The following ACTN4 variants were observed in gnomAD, a reference collection of about 807,000 sequenced individuals.
ACTN4 encodes actinin alpha 4, also known as alpha-actinin-4.
Under a neutral mutation model 114.2 loss-of-function variants are expected in ACTN4, and 18 were observed. That is an observed-to-expected ratio of 0.16 (90% CI 0.11 to 0.23). ACTN4 has a LOEUF of 0.23. Ranked by LOEUF, ACTN4 falls within the 10% of genes least tolerant of loss-of-function variation. The pLI is 1.00. For missense variants in ACTN4, 722 were observed against 1,262.9 expected, an observed-to-expected ratio of 0.57 and a Z score of 6.49; for synonymous variants, 515 against 506.3, an observed-to-expected ratio of 1.02 and a Z score of -0.23.
At chr19:38,684,120 A>G (rs750661123) in intron 1 of ACTN4, 6 of 152,316 alleles carry the variant, frequency 3.9e-5, no homozygotes, top group Non-Finnish European at 8.8e-5. Flanking sequence ...CCATGGGTAT[A>G]TCCCCCAGCA....
chr19:38,728,326 G>A, intron 19 of ACTN4: 1 of 1,493,330 alleles, frequency 6.7e-7, no homozygotes, highest in Non-Finnish European at 9.0e-7. Flanking sequence ...AAGCAGACAG[G>A]CAGCATGGAC....
chr19:38,704,144 C>T (rs901552717), intron 3 of ACTN4, among the ~76,000 whole-genome samples: 9 of 152,206 alleles, frequency 5.9e-5, no homozygotes, highest in African/African-American at 2.2e-4. Context: ...GACCCAGCCT[C>T]TACAAAAAGT....
intron 1 of ACTN4, among the ~76,000 whole-genome samples, chr19:38,687,513 A>T (rs1967785728): frequency 6.6e-6 from 1 of 152,354 alleles, no homozygotes; most frequent in East Asian, 1.9e-4. Context: ...AGGGTGCAGG[A>T]CCATTCAATG....
intron 19 of ACTN4, 145 bp from the exon 20 acceptor site, chr19:38,728,851 T>G: frequency 9.5e-7 from 1 of 1,047,678 alleles, no homozygotes; most frequent in South Asian, 1.4e-5. Context: ...CCAAGGCTGC[T>G]GGAGCAGGCG....
intron 2 of ACTN4, 134 bp from the exon 3 acceptor site, chr19:38,700,868 G>A: frequency 7.0e-7 from 1 of 1,424,874 alleles, no homozygotes; most frequent in Non-Finnish European, 9.6e-7. Context: ...GGTGGGGCCA[G>A]AGTGGCCTGG....
intron 1 of ACTN4, among the ~76,000 whole-genome samples, chr19:38,676,625 G>A (rs1306411116): frequency 6.6e-6 from 1 of 152,222 alleles, no homozygotes; most frequent in Non-Finnish European, 1.5e-5. Context: ...GCCGGATGTG[G>A]AAGGTAAACA....
At chr19:38,710,388 T>G in intron 8 of ACTN4, 46 bp downstream of exon 8, 1 of 1,581,864 alleles carries the variant, frequency 6.3e-7, no homozygotes, top group Non-Finnish European at 8.6e-7. Context: ...CACCGCGCAA[T>G]GCCGCCGCTG....
chr19:38,698,007 A>G (rs1968148786), intron 1 of ACTN4, among the ~76,000 whole-genome samples: 1 of 152,204 alleles, frequency 6.6e-6, no homozygotes, highest in Non-Finnish European at 1.5e-5. Flanking sequence ...CGCACATGGT[A>G]GGAGAGAAAG....
chr19:38,730,596 G>C lies in ACTN4; in HGVS notation c.*1164G>C. The C allele has an allele frequency of 1.8e-6, 1 of 570,806 alleles. No individual in the cohort carries two copies. The highest frequency in any genetic ancestry group is 2.2e-5 in the South Asian group (1 of 45,248). 35.4% of individuals were successfully genotyped at this position (570,806 alleles called of 1,614,324 possible). A position where few individuals can be genotyped will look rare whatever the true frequency, so the allele number is the denominator to read the frequency against. ...TCCTCCACCTTCTAGGAGAGCCAGG[G>C]CAGAGCTAGCACTGTCTTAAGCTGT... On this transcript the variant is annotated 3_prime_UTR_variant, in exon 21 of 21. Transcript: ENST00000252699.
chr19:38,729,790 T>TC lies in ACTN4; in HGVS notation c.*361dup. ...CCAGGTCTCTTCCTTTGCTCTGAGG[T>TC]CCCTTCAAGGCCTCCCCAATCCAGG... On this transcript the variant is annotated 3_prime_UTR_variant, in exon 21 of 21. Transcript: ENST00000252699. 2.2e-6 allele frequency: 1 copy of TC among 464,482 alleles called. No homozygotes were observed. Among genetic ancestry groups the TC allele is most frequent in the Non-Finnish European group, 4.2e-6 (1 of 238,226 alleles). 28.8% of individuals were successfully genotyped at this position (464,482 alleles called of 1,614,324 possible).
intron 1 of ACTN4, among the ~76,000 whole-genome samples, chr19:38,684,160 C>T (rs917107368): frequency 4.6e-5 from 7 of 152,138 alleles, no homozygotes; most frequent in Admixed American, 1.3e-4. Context: ...AATTAGAGCA[C>T]GCAGAACAAA....
chr19:38,702,366 C>T (rs1968306288), intron 3 of ACTN4, among the ~76,000 whole-genome samples: 1 of 152,338 alleles, frequency 6.6e-6, no homozygotes, highest in South Asian at 2.1e-4. Flanking sequence ...CACCCTGTCC[C>T]CCTGTCCTTC....
chr19:38,653,783 T>C (rs1976635517), intron 1 of ACTN4, among the ~76,000 whole-genome samples: 1 of 152,230 alleles, frequency 6.6e-6, no homozygotes, highest in African/African-American at 2.4e-5. Context: ...CCGTTTCTTT[T>C]TTTATGGAAA....
At chr19:38,710,491 C>T in intron 8 of ACTN4, 149 bp downstream of exon 8, 1 of 839,078 alleles carries the variant, frequency 1.2e-6, no homozygotes. Flanking sequence ...GCGTTGCTGC[C>T]CCCTCAGCCT....
chr19:38,691,868 A>C (rs1332065472), intron 1 of ACTN4, among the ~76,000 whole-genome samples: 1 of 152,078 alleles, frequency 6.6e-6, no homozygotes, highest in Non-Finnish European at 1.5e-5. Flanking sequence ...ATGCCACCGC[A>C]CTCCAACCTG....
chr19:38,706,249 C>A, intron 5 of ACTN4, 118 bp downstream of exon 5: 1 of 1,058,544 alleles, frequency 9.4e-7, no homozygotes, highest in Non-Finnish European at 1.4e-6. Context: ...CTCAGTCAGC[C>A]CCTCCCTGGC....
At chr19:38,728,407 C>T in intron 19 of ACTN4, 1 of 1,336,586 alleles carries the variant, frequency 7.5e-7, no homozygotes, top group Non-Finnish European at 9.9e-7. Context: ...TCCCCAGCCA[C>T]CCGCTCCTCC....
At position 38,728,985 on chromosome 19, in the gene ACTN4, T is replaced by C; in HGVS notation, c.2419-11T>C. The C allele has an allele frequency of 6.2e-7, 1 of 1,612,446 alleles. No homozygotes were observed. Among genetic ancestry groups the C allele is most frequent in the Non-Finnish European group, 8.5e-7 (1 of 1,179,948 alleles). ...ATGTCGGGTGTCCCCCACCCCACCC[T>C]CTCCTTGCAGGGTGAGGCCGAGTTC... On this transcript the variant is annotated splice_polypyrimidine_tract_variant and intron_variant, in intron 19 of 20. Transcript: ENST00000252699.
chr19:38,661,364 G>C (rs12462503), intron 1 of ACTN4, among the ~76,000 whole-genome samples: 98,641 of 152,102 alleles, frequency 0.65, 32,595 homozygotes, highest in South Asian at 0.83. Context: ...CAGTCGGCAC[G>C]TGTATTTGAT....
Sources: gnomAD v4.1 joint callset for allele counts (sites outside exome capture counted in the v4.1 genomes callset) on GRCh38, gnomAD v4.1.1 for gene constraint, MANE v1.5 for transcripts, NCBI Gene and HGNC (gene_info 2026-07-23, HGNC 2026-07-21) for gene names.